The following KIF5C variants were observed in gnomAD, a reference collection of about 807,000 sequenced individuals.
The protein encoded by KIF5C is kinesin heavy chain isoform 5C.
In KIF5C, 18 loss-of-function variants were observed where a neutral mutation model predicts 125.2. The observed-to-expected ratio is 0.14, with a 90% CI of 0.10 to 0.21. The LOEUF (loss-of-function observed/expected upper bound fraction) is 0.21. Ranked by LOEUF, KIF5C falls within the 10% of genes least tolerant of loss-of-function variation. KIF5C has a pLI of 1.00. For missense variants in KIF5C, 780 were observed against 1,183.8 expected, an observed-to-expected ratio of 0.66 and a Z score of 5.01; for synonymous variants, 405 against 434.0, an observed-to-expected ratio of 0.93 and a Z score of 0.83.
intron 16 of KIF5C, 131 bp from the exon 17 acceptor site, chr2:148,994,290 C>A: frequency 7.9e-7 from 1 of 1,268,706 alleles, no homozygotes; most frequent in Non-Finnish European, 1.1e-6. Flanking sequence ...AAAATGGGCA[C>A]CATTTGGTTG....
chr2:149,026,344 G>C lies in KIF5C; in HGVS notation c.*3274G>C, dbSNP rs1682685287. On this transcript the variant is annotated 3_prime_UTR_variant, in exon 26 of 26. Transcript: ENST00000435030. ...GCCGAAGTAAGCGCCGCTCCATGAA[G>C]TCTGCTTACTTATTTAAAAATTGTG... 1 of 152,188 alleles carries C rather than the reference G, an allele frequency of 6.6e-6. No homozygotes were observed. Among genetic ancestry groups the C allele is most frequent in the Non-Finnish European group, 1.5e-5 (1 of 68,048 alleles). 9.4% of individuals were successfully genotyped at this position (152,188 alleles called of 1,614,324 possible).
intron 8 of KIF5C, among the ~76,000 whole-genome samples, 189 bp from the exon 9 acceptor site, chr2:148,949,650 A>G (rs1390677965): frequency 1.3e-5 from 2 of 152,188 alleles, no homozygotes; most frequent in Non-Finnish European, 2.9e-5. Flanking sequence ...GAGGAAAATG[A>G]TGGCAGGAGA....
chr2:148,933,869 T>C (rs1289183769), intron 3 of KIF5C, among the ~76,000 whole-genome samples: 4 of 145,742 alleles, frequency 2.7e-5, no homozygotes, highest in African/African-American at 1.0e-4. Context: ...CACCATAATA[T>C]ACACACAGAC....
At chr2:148,882,922 G>A (rs745582339) in intron 1 of KIF5C, among the ~76,000 whole-genome samples, 13 of 152,152 alleles carry the variant, frequency 8.5e-5, no homozygotes, top group Admixed American at 2.6e-4. Flanking sequence ...TCCAAGACCC[G>A]GAACAAGGCC....
Position 148,875,581 on chromosome 2 carries a change from CACCCATCCCCGTGCCCCCT to C in KIF5C, c.-36_-18del. On this transcript the variant is annotated 5_prime_UTR_variant, in exon 1 of 26. Coordinates refer to ENST00000435030, the MANE Select transcript of KIF5C (RefSeq NM_004522.3). ...CTCGTCGTTCCCGGCCCCGGCCCCC[CACCCATCCCCGTGCCCCCT>C]CCCTACCGCCGGCCGAGATGGCGGA... The C allele has an allele frequency of 3.7e-6, 3 of 803,548 alleles. No homozygotes were observed. Among genetic ancestry groups the C allele is most frequent in the Non-Finnish European group, 6.3e-6 (3 of 479,392 alleles). The allele number at this position is 803,548 out of a possible 1,614,324, so 49.8% of individuals were successfully genotyped here.
intron 10 of KIF5C, among the ~76,000 whole-genome samples, chr2:148,951,221 TA>T (rs903779611): frequency 5.3e-5 from 8 of 152,058 alleles, no homozygotes; most frequent in African/African-American, 1.9e-4. Flanking sequence ...AAGAGAGGTA[TA>T]AAAGGAAAAG....
chr2:149,010,750 C>T (rs561471580), intron 24 of KIF5C, among the ~76,000 whole-genome samples: 1 of 152,332 alleles, frequency 6.6e-6, no homozygotes, highest in Admixed American at 6.5e-5. Context: ...CATATGTAGC[C>T]AGAGCCCCAG....
chr2:148,886,046 C>T (rs1039069644), intron 1 of KIF5C: 16 of 152,208 alleles, frequency 1.1e-4, no homozygotes, highest in Admixed American at 1.0e-3. Context: ...TATTGATTTT[C>T]ACCTGGGAAT....
At chr2:148,986,048 G>A (rs970420877) in intron 15 of KIF5C, among the ~76,000 whole-genome samples, 5 of 152,144 alleles carry the variant, frequency 3.3e-5, no homozygotes, top group African/African-American at 9.7e-5. Flanking sequence ...TCGATGTGAG[G>A]TGATTAAATG....
At chr2:148,940,401 G>A (rs1038959219) in intron 4 of KIF5C, among the ~76,000 whole-genome samples, 14 of 152,216 alleles carry the variant, frequency 9.2e-5, no homozygotes, top group African/African-American at 3.1e-4. Flanking sequence ...GAGATGCCCA[G>A]CAGTGGATTC....
At chr2:148,882,915 A>C (rs1681407222) in intron 1 of KIF5C, among the ~76,000 whole-genome samples, 1 of 152,180 alleles carries the variant, frequency 6.6e-6, no homozygotes, top group South Asian at 2.1e-4. Context: ...TTCTGTCTCC[A>C]AGACCCGGAA....
At chr2:148,939,094 TAAAAA>T (rs66739683) in intron 4 of KIF5C, among the ~76,000 whole-genome samples, 1 of 131,730 alleles carries the variant, frequency 7.6e-6, no homozygotes, top group Admixed American at 7.7e-5. Context: ...GATTCTGTCT[TAAAAA>T]AAAAAAAAAA....
intron 12 of KIF5C, among the ~76,000 whole-genome samples, chr2:148,974,834 G>C (rs1558926886): frequency 6.6e-6 from 1 of 152,214 alleles, no homozygotes; most frequent in Non-Finnish European, 1.5e-5. Flanking sequence ...GTGAGAAGCT[G>C]TTTCTGTGCT....
intron 15 of KIF5C, among the ~76,000 whole-genome samples, chr2:148,987,566 G>A (rs1681412656): frequency 6.6e-6 from 1 of 152,150 alleles, no homozygotes; most frequent in African/African-American, 2.4e-5. Context: ...GCTGATTGGC[G>A]AGGGAGGGTG....
chr2:148,934,163 T>C (rs796482856), intron 3 of KIF5C, among the ~76,000 whole-genome samples: 2 of 135,352 alleles, frequency 1.5e-5, no homozygotes, highest in East Asian at 2.3e-4. Flanking sequence ...CATATACACA[T>C]CACACACATA....
intron 21 of KIF5C, among the ~76,000 whole-genome samples, chr2:149,002,171 A>G (rs888470476): frequency 1.2e-4 from 18 of 152,258 alleles, no homozygotes; most frequent in Non-Finnish European, 1.2e-4. Flanking sequence ...ATTCAGAAAA[A>G]TATTGAACAT....
At chr2:148,909,764 T>C (rs1439801623) in intron 1 of KIF5C, among the ~76,000 whole-genome samples, 1 of 152,222 alleles carries the variant, frequency 6.6e-6, no homozygotes, top group African/African-American at 2.4e-5. Flanking sequence ...ATCACCTCAG[T>C]TGCAGAAATT....
intron 10 of KIF5C, among the ~76,000 whole-genome samples, chr2:148,956,179 T>C (rs144181298): frequency 6.6e-6 from 1 of 152,314 alleles, no homozygotes; most frequent in African/African-American, 2.4e-5. Flanking sequence ...TGTCATCACA[T>C]GTGGGTGCTT....
At chr2:148,908,689 C>T (rs1681211864) in intron 1 of KIF5C, among the ~76,000 whole-genome samples, 1 of 152,188 alleles carries the variant, frequency 6.6e-6, no homozygotes, top group South Asian at 2.1e-4. Context: ...TTTTAGCAGC[C>T]AGTAAATACT....
Sources: allele counts gnomAD v4.1 joint callset (sites outside exome capture counted in the v4.1 genomes callset), GRCh38; gene constraint gnomAD v4.1.1; transcripts MANE v1.5; gene names NCBI Gene and HGNC (gene_info 2026-07-23, HGNC 2026-07-21).